The following CFH variants were observed in gnomAD, a reference collection of about 807,000 sequenced individuals.
CFH encodes the protein H factor 1 (complement).
A neutral mutation model predicts 147.3 loss-of-function variants in CFH; 53 were observed. The ratio of observed to expected loss-of-function variants is 0.36; its 90% CI spans 0.29 to 0.45. The LOEUF (loss-of-function observed/expected upper bound fraction) is 0.45, where lower values mean the gene tolerates loss of function less well. Among genes scored for constraint, CFH ranks in the 20% least tolerant of loss-of-function variants. The pLI is 1.00. For synonymous variants in CFH, 536 were observed against 489.4 expected, an observed-to-expected ratio of 1.10 and a Z score of -1.26; for missense variants, 1,380 against 1,498.0, an observed-to-expected ratio of 0.92 and a Z score of 1.30.
intron 2 of CFH, among the ~76,000 whole-genome samples, chr1:196,673,560 A>G (rs2149077980): frequency 6.6e-6 from 1 of 152,010 alleles, no homozygotes; most frequent in African/African-American, 2.4e-5. Context: ...CTGGTCTCGA[A>G]CTCCTGGCCT....
At chr1:196,736,126 T>C (rs949459460) in intron 15 of CFH, among the ~76,000 whole-genome samples, 6 of 152,094 alleles carry the variant, frequency 3.9e-5, no homozygotes, top group Non-Finnish European at 8.8e-5. Flanking sequence ...GGAGCTTAGC[T>C]GTGAGTTTAC....
At chr1:196,669,723 A>G (rs1667213636) in intron 1 of CFH, among the ~76,000 whole-genome samples, 1 of 152,222 alleles carries the variant, frequency 6.6e-6, no homozygotes, top group African/African-American at 2.4e-5. Flanking sequence ...GAGAACCTCT[A>G]CTAGGGCAAT....
intron 18 of CFH, 130 bp from the exon 19 acceptor site, chr1:196,741,745 C>A: frequency 1.3e-6 from 1 of 786,842 alleles, no homozygotes. Flanking sequence ...TATATTTTCT[C>A]AAGTTATAAG....
chr1:196,718,714 T>C lies in CFH; in HGVS notation c.1696+2945T>C, dbSNP rs542063603. Among the ~76,000 whole-genome samples the C allele has an allele frequency of 9.2e-5, 14 of 152,234 alleles. No homozygotes were observed. In the East Asian group the frequency reaches 2.7e-3, roughly 29 times the overall value. On this transcript the variant is annotated intron_variant, in intron 11 of 21. Coordinates refer to ENST00000367429, the MANE Select transcript of CFH (RefSeq NM_000186.4). The stretch of plus-strand genomic sequence containing the variant: ...CAAAATTGTGAATATATTGCTTCAG[T>C]AGTCTTTCCAATCACCAGACATGAA...
chr1:196,667,980 C>T (rs1667153808), intron 1 of CFH, among the ~76,000 whole-genome samples: 1 of 152,078 alleles, frequency 6.6e-6, no homozygotes, highest in African/African-American at 2.4e-5. Flanking sequence ...TTTCCTGACA[C>T]TTTTGCTACT....
At chr1:196,727,672 T>C (rs960707744) in intron 14 of CFH, among the ~76,000 whole-genome samples, 7 of 152,136 alleles carry the variant, frequency 4.6e-5, no homozygotes, top group African/African-American at 1.7e-4. Flanking sequence ...TACTCTCCCA[T>C]AGGATTCTTT....
At chr1:196,746,080 A>C in intron 21 of CFH, 81 bp downstream of exon 21, 9 of 1,604,032 alleles carry the variant, frequency 5.6e-6, no homozygotes, top group Non-Finnish European at 7.7e-6. Context: ...AAATACTCAC[A>C]GATTATTGAA....
intron 15 of CFH, among the ~76,000 whole-genome samples, chr1:196,731,552 GTGTT>G (rs1229282396): frequency 1.3e-5 from 2 of 151,910 alleles, no homozygotes; most frequent in Non-Finnish European, 2.9e-5. Context: ...CAGTATTAGA[GTGTT>G]TGAATTTCAT....
In CFH at chr1:196,689,741, A is replaced by G. The variant is rs1667959575; in HGVS notation, c.1159+127A>G. 6 of 1,017,132 alleles carry G rather than the reference A, an allele frequency of 5.9e-6. No homozygotes were observed. The Admixed American group carries it at 1.3e-4, about 21-fold the overall frequency. The allele number at this position is 1,017,132 out of a possible 1,614,324, so 63.0% of individuals were successfully genotyped here. A position where few individuals can be genotyped will look rare whatever the true frequency, so the allele number is the denominator to read the frequency against. ...GGGCCAAGAAAAGAGTTGTTCAAGC[A>G]AAGTGACCAAAATAGATCTTTTCTA... is the stretch of plus-strand genomic sequence containing the variant. On this transcript the variant is annotated intron_variant, in intron 8 of 21. Transcript: ENST00000367429.
At chr1:196,692,821 T>C (rs55886107) in intron 9 of CFH, among the ~76,000 whole-genome samples, 1 of 63,992 alleles carries the variant, frequency 1.6e-5, no homozygotes, top group Non-Finnish European at 3.5e-5. Flanking sequence ...TTTCTTTCTT[T>C]CTCTTTCCTT....
chr1:196,737,049 G>T, intron 16 of CFH, 43 bp downstream of exon 16: 3 of 1,508,210 alleles, frequency 2.0e-6, no homozygotes, highest in Non-Finnish European at 1.8e-6. Flanking sequence ...TTTCAAATGA[G>T]GTTAATATTC....
intron 2 of CFH, 28 bp downstream of exon 2, chr1:196,673,191 T>C (rs1239338351): frequency 6.3e-7 from 1 of 1,580,330 alleles, no homozygotes; most frequent in Non-Finnish European, 8.7e-7. Flanking sequence ...TTGTGAAATT[T>C]ATGAAAACTA....
rs187242114 is a variant in CFH at position 196,658,275 on chromosome 1, A to C, written c.58+6100A>C. 9.9e-5 allele frequency among the ~76,000 whole-genome samples: 15 copies of C among 151,998 alleles called. No individual in the cohort carries two copies. The East Asian group carries it at 2.9e-3, about 29-fold the overall frequency. ...TTATTCTTACTTTTTTGAGACAGGG[A>C]ATCACTTTGTCACCCAGGCTGCAGC... is the stretch of plus-strand genomic sequence containing the variant. On this transcript the variant is annotated intron_variant, in intron 1 of 21. Coordinates refer to ENST00000367429, the MANE Select transcript of CFH (RefSeq NM_000186.4).
Position 196,698,929 on chromosome 1 carries a change from A to T in CFH, c.1336+8690A>T, listed in dbSNP as rs187711440. The stretch of plus-strand genomic sequence containing the variant: ...TGCAAGGCTGTTTCAACATATACAA[A>T]TCAATAAATGTAATGACAAAAAACA... On this transcript the variant is annotated intron_variant, in intron 9 of 21. Coordinates refer to ENST00000367429, the MANE Select transcript of CFH (RefSeq NM_000186.4). Among the ~76,000 whole-genome samples, 224 of 152,280 alleles carry T rather than the reference A, an allele frequency of 1.5e-3. 2 individuals carry two copies. The highest frequency in any genetic ancestry group is 5.2e-3 in the African/African-American group (216 of 41,560).
intron 11 of CFH, among the ~76,000 whole-genome samples, chr1:196,718,442 A>T (rs577447687): frequency 6.6e-6 from 1 of 152,222 alleles, no homozygotes; most frequent in Admixed American, 6.6e-5. Flanking sequence ...GCAGCGAAGA[A>T]CTTGACCTTT....
chr1:196,667,053 T>C (rs1022291382), intron 1 of CFH, among the ~76,000 whole-genome samples: 3 of 152,194 alleles, frequency 2.0e-5, no homozygotes, highest in Non-Finnish European at 4.4e-5. Flanking sequence ...TTTTTCTATT[T>C]CTTTTCTATT....
intron 11 of CFH, among the ~76,000 whole-genome samples, chr1:196,718,077 A>G (rs1668913917): frequency 6.6e-6 from 1 of 152,120 alleles, no homozygotes; most frequent in Non-Finnish European, 1.5e-5. Flanking sequence ...AGTACATTGT[A>G]GATGAAAGGC....
chr1:196,746,507 C>A (rs397841929), intron 21 of CFH, among the ~76,000 whole-genome samples: 3 of 152,226 alleles, frequency 2.0e-5, no homozygotes, highest in Admixed American at 6.5e-5. Flanking sequence ...TATTTTAAAG[C>A]ATTTAGTTGA....
At chr1:196,698,544 A>G (rs1668355783) in intron 9 of CFH, among the ~76,000 whole-genome samples, 1 of 152,184 alleles carries the variant, frequency 6.6e-6, no homozygotes, top group Non-Finnish European at 1.5e-5. Flanking sequence ...AAAACCCTGA[A>G]TAGGCCAAAC....
Sources: allele counts gnomAD v4.1 joint callset (sites outside exome capture counted in the v4.1 genomes callset), GRCh38; gene constraint gnomAD v4.1.1; transcripts MANE v1.5; gene names NCBI Gene and HGNC (gene_info 2026-07-23, HGNC 2026-07-21).